ASIC2: variants seen among roughly 807,000 people sequenced by gnomAD.
The protein encoded by ASIC2 is acid sensing ion channel subunit 2, also known as acid-sensing ion channel 2.
ASIC2 carries 25 observed loss-of-function variants against 57.3 expected under a neutral mutation model. The ratio of observed to expected loss-of-function variants is 0.44; its 90% CI spans 0.32 to 0.61. ASIC2 has a LOEUF of 0.61. Ranked by LOEUF, ASIC2 falls within the 20% of genes least tolerant of loss-of-function variation. The pLI, the probability that ASIC2 is intolerant of heterozygous loss-of-function variation, is 0.06. For synonymous variants in ASIC2, 319 were observed against 307.5 expected (o/e 1.04, Z -0.39); for missense variants, 641 against 738.1 (o/e 0.87, Z 1.52).
At chr17:33,308,146 T>A (rs1010821835) in intron 1 of ASIC2, among the ~76,000 whole-genome samples, 2 of 152,226 alleles carry the variant, frequency 1.3e-5, no homozygotes, top group Non-Finnish European at 2.9e-5. Context: ...GATAACAGAT[T>A]TCTTGCCTGG....
chr17:34,105,357 T>C (rs1482135600), intron 1 of ASIC2, among the ~76,000 whole-genome samples: 1 of 151,904 alleles, frequency 6.6e-6, no homozygotes, highest in Non-Finnish European at 1.5e-5. Flanking sequence ...TTTTGTTTTT[T>C]GGTCTAGCTA....
At position 33,224,691 on chromosome 17, in the gene ASIC2, T is replaced by C. The variant is rs189068871; in HGVS notation, c.708+66717A>G. ...AAGGAGAAAATGGACGCACACCTTGTTCCATTTAATCCTCATGACTTATGA... is the reference window on the plus strand; with the variant it reads ...AAGGAGAAAATGGACGCACACCTTGCTCCATTTAATCCTCATGACTTATGA... On this transcript the variant is annotated intron_variant, in intron 1 of 9. Coordinates refer to ENST00000225823, the MANE Select transcript of ASIC2 (RefSeq NM_183377.2). Among the ~76,000 whole-genome samples, 174 of 152,340 alleles carry C rather than the reference T, an allele frequency of 1.1e-3. 1 individual carries two copies. The highest frequency in any genetic ancestry group is 2.8e-4 in the Non-Finnish European group (19 of 68,016).
chr17:33,476,535 A>ATATATATATATATG (rs1491353193), intron 1 of ASIC2, among the ~76,000 whole-genome samples: 1 of 95,078 alleles, frequency 1.1e-5, no homozygotes, highest in South Asian at 3.8e-4. Flanking sequence ...ATATATATAT[A>ATATATATATATATG]TGTACAGGGG....
At chr17:34,087,537 G>A (rs969021301) in intron 1 of ASIC2, among the ~76,000 whole-genome samples, 1 of 152,116 alleles carries the variant, frequency 6.6e-6, no homozygotes, top group African/African-American at 2.4e-5. Context: ...CTCTTCTCGA[G>A]GAGTATCTTT....
At chr17:33,229,681 G>A (rs1487236588) in intron 1 of ASIC2, among the ~76,000 whole-genome samples, 4 of 152,190 alleles carry the variant, frequency 2.6e-5, no homozygotes, top group African/African-American at 7.2e-5. Context: ...AAATATGGCC[G>A]GAGCCTGGGA....
At chr17:33,979,990 C>T (rs567103196) in intron 1 of ASIC2, among the ~76,000 whole-genome samples, 29 of 152,170 alleles carry the variant, frequency 1.9e-4, no homozygotes, top group African/African-American at 5.8e-4. Flanking sequence ...AGCAAGTATC[C>T]GAGTCACTTA....
intron 1 of ASIC2, among the ~76,000 whole-genome samples, chr17:33,363,021 G>C (rs1908670540): frequency 6.6e-6 from 1 of 152,114 alleles, no homozygotes; most frequent in East Asian, 1.9e-4. Flanking sequence ...GAGAATCTTT[G>C]CTTCTATTTC....
chr17:33,523,004 C>T (rs1395901727), intron 1 of ASIC2, among the ~76,000 whole-genome samples: 1 of 152,196 alleles, frequency 6.6e-6, no homozygotes, highest in East Asian at 1.9e-4. Context: ...AAGTGATCTA[C>T]ACAGCAAGTG....
At chr17:33,454,198 C>T (rs767145649) in intron 1 of ASIC2, among the ~76,000 whole-genome samples, 5 of 152,234 alleles carry the variant, frequency 3.3e-5, no homozygotes, top group Non-Finnish European at 5.9e-5. Flanking sequence ...TCCAGTCTTA[C>T]ACAGTGGTGT....
At chr17:33,633,811 T>C in intron 1 of ASIC2, among the ~76,000 whole-genome samples, 1 of 152,134 alleles carries the variant, frequency 6.6e-6, no homozygotes, top group East Asian at 1.9e-4. Context: ...TCTGACACAA[T>C]CGGGCTTTTA....
intron 1 of ASIC2, among the ~76,000 whole-genome samples, chr17:33,626,346 T>C (rs2142024111): frequency 6.6e-6 from 1 of 152,362 alleles, no homozygotes; most frequent in African/African-American, 2.4e-5. Flanking sequence ...ATGTTATTTT[T>C]TAATGCAAGT....
intron 1 of ASIC2, among the ~76,000 whole-genome samples, chr17:33,554,379 TGTGTTTGCACGTG>T (rs1915842330): frequency 6.6e-6 from 1 of 151,902 alleles, no homozygotes; most frequent in African/African-American, 2.4e-5. Flanking sequence ...TGTGTGTGTG[TGTGTTTGCACGTG>T]TGCACGTGTG....
intron 1 of ASIC2, among the ~76,000 whole-genome samples, chr17:33,630,352 G>A (rs551451371): frequency 2.6e-5 from 4 of 152,222 alleles, no homozygotes; most frequent in Non-Finnish European, 5.9e-5. Flanking sequence ...CTCTGCTCCT[G>A]TCTGTGCAGT....
intron 1 of ASIC2, among the ~76,000 whole-genome samples, chr17:33,425,563 G>A (rs957448281): frequency 6.6e-6 from 1 of 152,176 alleles, no homozygotes; most frequent in East Asian, 1.9e-4. Flanking sequence ...ATTGATTGCA[G>A]CTACAGGAAT....
At chr17:33,500,595 A>G (rs542420732) in intron 1 of ASIC2, among the ~76,000 whole-genome samples, 1 of 152,290 alleles carries the variant, frequency 6.6e-6, no homozygotes, top group East Asian at 1.9e-4. Flanking sequence ...GTGACCTTGG[A>G]TTCCCCAGTT....
At position 33,959,186 on chromosome 17, in the gene ASIC2, T is replaced by C. The variant is rs544565669; in HGVS notation, c.555+196792A>G. 1.1e-3 allele frequency among the ~76,000 whole-genome samples: 171 copies of C among 152,310 alleles called. 2 individuals are homozygous for C. Among genetic ancestry groups the C allele is most frequent in the African/African-American group, 3.9e-3 (163 of 41,576 alleles). ...ATGTCTTCTGAGCCCTCCAAGTCTC[T>C]AGGAAGCTCCAAACTTTCCCACATT... On this transcript the variant is annotated intron_variant, in intron 1 of 9. Transcript: ENST00000359872.
intron 1 of ASIC2, among the ~76,000 whole-genome samples, chr17:33,364,791 T>A (rs1296526104): frequency 6.6e-6 from 1 of 152,186 alleles, no homozygotes; most frequent in African/African-American, 2.4e-5. Context: ...TAATATAATG[T>A]CTTTACAGAA....
At chr17:33,757,787 A>G (rs1321457323) in intron 1 of ASIC2, among the ~76,000 whole-genome samples, 2 of 152,166 alleles carry the variant, frequency 1.3e-5, no homozygotes, top group African/African-American at 4.8e-5. Flanking sequence ...TTTTAGCCCC[A>G]AGAAACATCC....
At chr17:34,089,455 G>C (rs969536471) in intron 1 of ASIC2, among the ~76,000 whole-genome samples, 6 of 152,164 alleles carry the variant, frequency 3.9e-5, no homozygotes, top group African/African-American at 1.2e-4. Flanking sequence ...TCTGGGCTCA[G>C]TAATTACCTG....
Sources: allele counts gnomAD v4.1 joint callset (sites outside exome capture counted in the v4.1 genomes callset), GRCh38; gene constraint gnomAD v4.1.1; transcripts MANE v1.5; gene names NCBI Gene and HGNC (gene_info 2026-07-23, HGNC 2026-07-21).